The following SENP6 variants were observed in gnomAD, a reference collection of about 807,000 sequenced individuals.
SENP6 encodes SUMO specific peptidase 6, also known as sentrin-specific protease 6.
SENP6 carries 41 observed loss-of-function variants against 134.5 expected under a neutral mutation model. The observed-to-expected ratio is 0.30, with a 90% CI of 0.24 to 0.40. SENP6 has a LOEUF of 0.40. Ranked by LOEUF, SENP6 falls within the 10% of genes least tolerant of loss-of-function variation. SENP6 has a pLI of 1.00. For synonymous variants in SENP6, 395 were observed against 429.8 expected, an observed-to-expected ratio of 0.92 and a Z score of 1.00; for missense variants, 1,248 against 1,312.5, an observed-to-expected ratio of 0.95 and a Z score of 0.76.
intron 3 of SENP6, among the ~76,000 whole-genome samples, chr6:75,632,315 A>G (rs559912828): frequency 6.6e-6 from 1 of 152,294 alleles, no homozygotes; most frequent in Admixed American, 6.5e-5. Context: ...AAGCAAAACC[A>G]TCGATAAAGG....
At chr6:75,712,012 A>G (rs1332642701) in intron 21 of SENP6, among the ~76,000 whole-genome samples, 1 of 152,150 alleles carries the variant, frequency 6.6e-6, no homozygotes, top group Non-Finnish European at 1.5e-5. Context: ...TTTTACCTAC[A>G]ATGTTTTGGA....
chr6:75,691,187 G>C (rs1418401283), intron 16 of SENP6, among the ~76,000 whole-genome samples: 1 of 150,264 alleles, frequency 6.7e-6, no homozygotes, highest in Non-Finnish European at 1.5e-5. Context: ...TTGTCGTTCA[G>C]GTTGGAGAGC....
chr6:75,628,136 A>G (rs1385061397), intron 3 of SENP6, among the ~76,000 whole-genome samples: 2 of 152,174 alleles, frequency 1.3e-5, no homozygotes, highest in East Asian at 1.9e-4. Context: ...TTAAGTATAC[A>G]TGGACCATCT....
chr6:75,602,870 A>G (rs1462553669), intron 1 of SENP6, among the ~76,000 whole-genome samples: 1 of 152,184 alleles, frequency 6.6e-6, no homozygotes, highest in Non-Finnish European at 1.5e-5. Flanking sequence ...ACATTTAAAA[A>G]ATTTTGGGGT....
chr6:75,677,065 A>G lies in SENP6; in HGVS notation c.1657A>G (p.Asn553Asp). 6.3e-7 allele frequency: 1 copy of G among 1,585,470 alleles called. No individual in the cohort carries two copies. The highest frequency in any genetic ancestry group is 2.2e-5 in the East Asian group (1 of 44,564). The change falls in exon 14 of 24, where the codon AAT becomes GAT. Residue 553 changes from asparagine (N) to aspartate (D), a missense_variant. This residue lies in a region of SENP6 where 733 missense variants were observed against 725.4 expected (regional missense o/e 1.01). Coordinates refer to ENST00000447266, the MANE Select transcript of SENP6 (RefSeq NM_015571.4). ...EEQYIILIFQ[N>D]GLDPPANMVF... ...ACAATATATAATTTTAATTTTTCAAAATGGCCTTGATCCTCCGGCAAATAT... is the reference window on the plus strand; with the variant it reads ...ACAATATATAATTTTAATTTTTCAAGATGGCCTTGATCCTCCGGCAAATAT...
At chr6:75,615,345 A>G (rs1767773562) in intron 1 of SENP6, among the ~76,000 whole-genome samples, 1 of 150,678 alleles carries the variant, frequency 6.6e-6, no homozygotes, top group South Asian at 2.1e-4. Flanking sequence ...ATGCCTGGCT[A>G]ATTTTTGTAT....
At chr6:75,650,647 G>C (rs1469316593) in intron 7 of SENP6, among the ~76,000 whole-genome samples, 1 of 152,126 alleles carries the variant, frequency 6.6e-6, no homozygotes, top group Admixed American at 6.6e-5. Flanking sequence ...CCTTAGGAGA[G>C]GAATGTTGAT....
chr6:75,684,778 T>G (rs929723852), intron 16 of SENP6, among the ~76,000 whole-genome samples: 18 of 152,236 alleles, frequency 1.2e-4, no homozygotes, highest in African/African-American at 4.3e-4. Context: ...AGCTTTTTGA[T>G]GTGCTGCTGG....
intron 16 of SENP6, among the ~76,000 whole-genome samples, chr6:75,692,684 T>A (rs1225520960): frequency 6.6e-6 from 1 of 151,890 alleles, no homozygotes; most frequent in Non-Finnish European, 1.5e-5. Flanking sequence ...TCCTGGAGGC[T>A]TCCCAGGCTA....
At chr6:75,667,087 A>G in intron 10 of SENP6, 146 bp downstream of exon 10, 1 of 470,524 alleles carries the variant, frequency 2.1e-6, no homozygotes, top group East Asian at 3.0e-5. Context: ...ATTATTTGGA[A>G]GAACATTAAG....
chr6:75,608,028 A>G (rs187122676), intron 1 of SENP6, among the ~76,000 whole-genome samples: 169 of 152,272 alleles, frequency 1.1e-3, no homozygotes, highest in African/African-American at 3.9e-3. Flanking sequence ...AAACTACATC[A>G]TGGTGTCATT....
At chr6:75,625,259 A>G (rs922085367) in intron 3 of SENP6, among the ~76,000 whole-genome samples, 1 of 151,670 alleles carries the variant, frequency 6.6e-6, no homozygotes, top group Non-Finnish European at 1.5e-5. Flanking sequence ...TTACAGGCAT[A>G]CACCACCATG....
chr6:75,717,954 C>T lies in SENP6; in HGVS notation c.*2360C>T, dbSNP rs1776086718. On this transcript the variant is annotated 3_prime_UTR_variant, in exon 24 of 24. Transcript: ENST00000447266. ...GTCCCTTCCCGTTAATGTTGCTGTG[C>T]TACTTCAGACAGCTGAAAACTTAAT... 1.3e-5 allele frequency: 2 copies of T among 152,158 alleles called. No homozygotes were observed. The highest frequency in any genetic ancestry group is 4.8e-5 in the African/African-American group (2 of 41,436). 9.4% of individuals were successfully genotyped at this position (152,158 alleles called of 1,614,324 possible). A position where few individuals can be genotyped will look rare whatever the true frequency, so the allele number is the denominator to read the frequency against.
chr6:75,689,646 C>T (rs963674399), intron 16 of SENP6, among the ~76,000 whole-genome samples: 3 of 152,112 alleles, frequency 2.0e-5, no homozygotes, highest in Admixed American at 1.3e-4. Context: ...ATTATAATAA[C>T]GTATTTTTAC....
chr6:75,699,148 A>C lies in SENP6; in HGVS notation c.2288+1631A>C, dbSNP rs190921069. Among the ~76,000 whole-genome samples, 18 of 152,286 alleles carry C rather than the reference A, an allele frequency of 1.2e-4. No individual in the cohort carries two copies. In the East Asian group the frequency reaches 3.5e-3, roughly 29 times the overall value. ...AGCGATTTGTCAGAAATGAGTTATA[A>C]AAATTTTAAATAGAAATATTATTTG... On this transcript the variant is annotated intron_variant, in intron 18 of 23. Transcript: ENST00000447266.
chr6:75,691,866 T>G (rs1218015720), intron 16 of SENP6, among the ~76,000 whole-genome samples: 1 of 151,756 alleles, frequency 6.6e-6, no homozygotes, highest in Non-Finnish European at 1.5e-5. Context: ...TGTTTTTTGG[T>G]TTTTTTTGAG....
intron 7 of SENP6, among the ~76,000 whole-genome samples, chr6:75,652,400 A>G (rs1417582295): frequency 4.6e-5 from 7 of 152,010 alleles, no homozygotes; most frequent in East Asian, 3.9e-4. Context: ...TTTGTTTTCA[A>G]TGTTTTGACA....
In SENP6 at chr6:75,640,705, G is replaced by T; in HGVS notation, c.479+1G>T. ...TAAGCAGTCTGGACCGAAAAGAAAG[G>T]TAAGCTTAATATTGAAGAAATTAGA... On this transcript the variant is annotated splice_donor_variant, in intron 6 of 23. Coordinates refer to ENST00000447266, the MANE Select transcript of SENP6 (RefSeq NM_015571.4). LOFTEE classifies it high-confidence loss of function. 1 of 1,504,502 alleles carries T rather than the reference G, an allele frequency of 6.6e-7. No homozygotes were observed. Among genetic ancestry groups the T allele is most frequent in the Non-Finnish European group, 9.0e-7 (1 of 1,116,362 alleles). The allele number at this position is 1,504,502 out of a possible 1,614,324, so 93.2% of individuals were successfully genotyped here.
At chr6:75,669,036 C>T (rs536695386) in intron 10 of SENP6, among the ~76,000 whole-genome samples, 2 of 152,296 alleles carry the variant, frequency 1.3e-5, no homozygotes, top group East Asian at 3.9e-4. Flanking sequence ...TTAAACCTCT[C>T]TAACAGGTTT....
Sources: allele counts gnomAD v4.1 joint callset (sites outside exome capture counted in the v4.1 genomes callset), GRCh38; gene constraint gnomAD v4.1.1; regional missense constraint gnomAD v4.1.1; transcripts MANE v1.5; gene names NCBI Gene and HGNC (gene_info 2026-07-23, HGNC 2026-07-21).